NUBP1: variants seen among roughly 807,000 people sequenced by gnomAD.
The protein encoded by NUBP1 is cytosolic Fe-S cluster assembly factor NUBP1.
A neutral mutation model predicts 41.8 loss-of-function variants in NUBP1; 46 were observed. The observed-to-expected ratio is 1.10, with a 90% CI of 0.87 to 1.41. The LOEUF (loss-of-function observed/expected upper bound fraction) is 1.41, where lower values mean the gene tolerates loss of function less well. Ranked by LOEUF, NUBP1 falls within the 40% of genes most tolerant of loss-of-function variation. NUBP1 has a pLI of 0.00. For synonymous variants in NUBP1, 189 were observed against 154.6 expected (o/e 1.22, Z -1.65); for missense variants, 494 against 414.0 (o/e 1.19, Z -1.68).
chr16:10,748,801 A>C (rs1342066250), intron 3 of NUBP1, among the ~76,000 whole-genome samples: 1 of 152,062 alleles, frequency 6.6e-6, no homozygotes, highest in Non-Finnish European at 1.5e-5. Flanking sequence ...TTCAAAATAC[A>C]CTTGTTGGGC....
At chr16:10,761,285 G>A in intron 7 of NUBP1, 79 bp from the exon 8 acceptor site, 2 of 1,319,856 alleles carry the variant, frequency 1.5e-6, no homozygotes, top group South Asian at 2.5e-5. Context: ...CCACTGCATT[G>A]CAGCCATCCC....
At chr16:10,755,349 C>G (rs768926780) in intron 4 of NUBP1, among the ~76,000 whole-genome samples, 1 of 152,212 alleles carries the variant, frequency 6.6e-6, no homozygotes, top group African/African-American at 2.4e-5. Context: ...CACTCCTGTG[C>G]TTTTACAAAA....
At position 10,743,858 on chromosome 16, in the gene NUBP1, G is replaced by T; in HGVS notation, c.-6G>T. 1 of 1,563,494 alleles carries T rather than the reference G, an allele frequency of 6.4e-7. No individual in the cohort carries two copies. The highest frequency in any genetic ancestry group is 1.4e-5 in the African/African-American group (1 of 73,714). ...CGGTGACCACGAAGGCGGCAAAGGC[G>T]ACGGAATGGAGGAGGTGCCTCACGG... On this transcript the variant is annotated 5_prime_UTR_variant, in exon 1 of 11. Transcript: ENST00000283027.
chr16:10,757,916 C>G lies in NUBP1; in HGVS notation c.495C>G (p.Val165=), dbSNP rs571511041. The G allele has an allele frequency of 1.2e-6, 2 of 1,613,988 alleles. No individual in the cohort carries two copies. Among genetic ancestry groups the G allele is most frequent in the Non-Finnish European group, 1.7e-6 (2 of 1,179,996 alleles). Residue 165 remains valine, a synonymous_variant, in exon 7 of 11, where the codon GTC becomes GTG. Coordinates refer to ENST00000283027, the MANE Select transcript of NUBP1 (RefSeq NM_002484.4). This position sits in a 1 kb window ranked among gnomAD's most constrained non-coding sequence, Gnocchi z 4.1. ...TCCGAGATGTGGACTGGGGAGAGGT[C>G]GACTACCTCATTGTGGACACCCCAC... is the stretch of plus-strand genomic sequence containing the variant. ...QFLRDVDWGE[V]DYLIVDTPPG... is the part of the protein sequence containing the mutation.
At chr16:10,751,052 T>C (rs1200264718) in intron 3 of NUBP1, among the ~76,000 whole-genome samples, 2 of 152,178 alleles carry the variant, frequency 1.3e-5, no homozygotes, top group Non-Finnish European at 2.9e-5. Flanking sequence ...CCCAGGGCCG[T>C]CCTGGCCATC....
At chr16:10,763,265 G>A (rs369621447) in intron 9 of NUBP1, among the ~76,000 whole-genome samples, 18 of 152,032 alleles carry the variant, frequency 1.2e-4, no homozygotes, top group African/African-American at 4.3e-4. Flanking sequence ...TGAAGCCACA[G>A]GACATGGACA....
intron 2 of NUBP1, among the ~76,000 whole-genome samples, chr16:10,746,302 A>C (rs1420400602): frequency 6.6e-6 from 1 of 152,242 alleles, no homozygotes; most frequent in Non-Finnish European, 1.5e-5. Context: ...CCTGCTGTCT[A>C]TCAGAGTTTC....
intron 4 of NUBP1, among the ~76,000 whole-genome samples, chr16:10,753,568 T>C (rs1389108731): frequency 6.6e-6 from 1 of 152,080 alleles, no homozygotes; most frequent in Non-Finnish European, 1.5e-5. Flanking sequence ...AGATTGGTTC[T>C]TTCTTTAATT....
chr16:10,753,188 C>T (rs1270814427), intron 4 of NUBP1, among the ~76,000 whole-genome samples: 4 of 151,894 alleles, frequency 2.6e-5, no homozygotes, highest in African/African-American at 4.8e-5. Context: ...GGGGGAGGGG[C>T]GGGATTGTAT....
rs533138388 is a variant in NUBP1 at position 10,761,407 on chromosome 16, G to A, written c.650G>A (p.Arg217His). Residue 217 changes from arginine (R) to histidine (H), a missense_variant, in exon 8 of 11, where the codon CGC (arginine) becomes CAC (histidine). Physicochemically the swap from Arg to His is conservative, Grantham distance 29. Transcript: ENST00000283027. ...GTCCGGAAAGAAATCAACTTCTGCC[G>A]CAAGGTGAAGCTGCCCATCATCGGG... ...QDVRKEINFC[R>H]KVKLPIIGVV... is the part of the protein sequence containing the mutation. The A allele has an allele frequency of 8.9e-5, 143 of 1,614,122 alleles. 1 individual carries two copies. In the South Asian group the frequency reaches 1.4e-3, roughly 16 times the overall value.
chr16:10,760,746 G>A (rs79366261), intron 7 of NUBP1, among the ~76,000 whole-genome samples: 10 of 151,902 alleles, frequency 6.6e-5, no homozygotes, highest in Non-Finnish European at 4.4e-5. Context: ...AAAAAAAAAA[G>A]TCATTTTCTT....
At position 10,761,485 on chromosome 16, in the gene NUBP1, G is replaced by C; in HGVS notation, c.717+11G>C. 6.2e-7 allele frequency: 1 copy of C among 1,606,576 alleles called. No individual in the cohort carries two copies. Among genetic ancestry groups the C allele is most frequent in the Non-Finnish European group, 8.5e-7 (1 of 1,173,522 alleles). ...TGTCCTAAGTGCAAGGTGAGGGCGC[G>C]TGGGGCTGCCAGGCGAGCAAGATCT... On this transcript the variant is annotated intron_variant, in intron 8 of 10. Coordinates refer to ENST00000283027, the MANE Select transcript of NUBP1 (RefSeq NM_002484.4).
In NUBP1 at chr16:10,752,710, T is replaced by A. The variant is rs372830762; in HGVS notation, c.327+32T>A. ...GCCGGTTACAGAACTCAGGAAATTATTCTCTTAAGGCAAACTCTGTAGCAC... is the reference window on the plus strand; with the variant it reads ...GCCGGTTACAGAACTCAGGAAATTAATCTCTTAAGGCAAACTCTGTAGCAC... On this transcript the variant is annotated intron_variant, in intron 4 of 10. Coordinates refer to ENST00000283027, the MANE Select transcript of NUBP1 (RefSeq NM_002484.4). The A allele has an allele frequency of 3.9e-5, 61 of 1,579,894 alleles. 1 individual carries two copies. Among genetic ancestry groups the A allele is most frequent in the East Asian group, 2.9e-4 (13 of 44,706 alleles).
chr16:10,752,985 A>G (rs1280448799), intron 4 of NUBP1, among the ~76,000 whole-genome samples: 3 of 152,126 alleles, frequency 2.0e-5, no homozygotes, highest in African/African-American at 7.2e-5. Context: ...GGTAGAGACC[A>G]GGTTTCACTA....
At chr16:10,764,017 G>A (rs1318004884) in intron 9 of NUBP1, among the ~76,000 whole-genome samples, 1 of 152,122 alleles carries the variant, frequency 6.6e-6, no homozygotes, top group Middle Eastern at 3.4e-3. Context: ...TCAGCCCACA[G>A]GAGTACCTCA....
At chr16:10,763,814 G>T in intron 9 of NUBP1, 1 of 155,956 alleles carries the variant, frequency 6.4e-6, no homozygotes, top group Non-Finnish European at 1.4e-5. Flanking sequence ...GAAGGAGTGG[G>T]GGAAGGAACA....
At chr16:10,761,974 G>T in intron 9 of NUBP1, 115 bp downstream of exon 9, 1 of 778,688 alleles carries the variant, frequency 1.3e-6, no homozygotes, top group South Asian at 1.7e-5. Flanking sequence ...AGGGTCAATG[G>T]GGCGCTGGAG....
Position 10,749,494 on chromosome 16 carries a change from T to G in NUBP1, c.258+2218T>G, listed in dbSNP as rs1302950193. ...AAGCACACCATTCAGTGTGGAAATA[T>G]GGCTAGATCAGCTGTATTTTTTTAT... is the stretch of plus-strand genomic sequence containing the variant. On this transcript the variant is annotated intron_variant, in intron 3 of 10. Transcript: ENST00000283027. This position sits in a 1 kb window ranked among gnomAD's most constrained non-coding sequence, Gnocchi z 4.1. Among the ~76,000 whole-genome samples, 1 of 152,268 alleles carries G rather than the reference T, an allele frequency of 6.6e-6. No homozygotes were observed. Among genetic ancestry groups the G allele is most frequent in the Non-Finnish European group, 1.5e-5 (1 of 68,014 alleles).
intron 9 of NUBP1, among the ~76,000 whole-genome samples, chr16:10,763,298 A>G (rs2030297627): frequency 6.6e-6 from 1 of 151,978 alleles, no homozygotes; most frequent in Admixed American, 6.5e-5. Context: ...GGCCGTGCAG[A>G]AAGCGGGAGC....
Sources: allele counts gnomAD v4.1 joint callset (sites outside exome capture counted in the v4.1 genomes callset), GRCh38; gene constraint gnomAD v4.1.1; non-coding constraint Gnocchi (gnomAD v3.1); transcripts MANE v1.5; gene names NCBI Gene and HGNC (gene_info 2026-07-23, HGNC 2026-07-21).